Variants in DLGAP2 observed in about 807,000 individuals in gnomAD.
The protein encoded by DLGAP2 is DLG associated protein 2.
A neutral mutation model predicts 100.3 loss-of-function variants in DLGAP2; 26 were observed. That is an observed-to-expected ratio of 0.26 (90% CI 0.19 to 0.36). The LOEUF (loss-of-function observed/expected upper bound fraction) is 0.36, where lower values mean the gene tolerates loss of function less well. DLGAP2 is among the 10% of genes least tolerant of loss of function. The pLI, the probability that DLGAP2 is intolerant of heterozygous loss-of-function variation, is 1.00. For synonymous variants in DLGAP2, 886 were observed against 630.1 expected (o/e 1.41, Z -6.08); for missense variants, 1,858 against 1,453.2 (o/e 1.28, Z -4.53).
intron 3 of DLGAP2, among the ~76,000 whole-genome samples, chr8:1,323,797 T>C (rs758234039): frequency 3.3e-4 from 50 of 152,152 alleles, no homozygotes; most frequent in Non-Finnish European, 6.2e-4. Context: ...GAAGAAAGAG[T>C]TTCACATCGT....
chr8:1,018,025 G>A (rs756736326), intron 2 of DLGAP2, among the ~76,000 whole-genome samples: 5 of 151,980 alleles, frequency 3.3e-5, no homozygotes, highest in African/African-American at 9.7e-5. Flanking sequence ...TGTGGAAAGC[G>A]CTCACTGACC....
intron 1 of DLGAP2, among the ~76,000 whole-genome samples, chr8:869,078 C>T (rs1797550968): frequency 1.3e-5 from 2 of 152,214 alleles, no homozygotes; most frequent in African/African-American, 4.8e-5. Context: ...GGGCCGGCTG[C>T]CCTGGGCCCT....
intron 6 of DLGAP2, among the ~76,000 whole-genome samples, chr8:1,572,185 A>T (rs1310697544): frequency 4.5e-4 from 52 of 114,702 alleles, no homozygotes; most frequent in Non-Finnish European, 7.3e-4. Flanking sequence ...GTCTGATGAG[A>T]TGGAGAGGAG....
At chr8:1,572,528 G>C (rs553222120) in intron 6 of DLGAP2, among the ~76,000 whole-genome samples, 18 of 133,398 alleles carry the variant, frequency 1.3e-4, no homozygotes, top group Non-Finnish European at 1.9e-4. Flanking sequence ...AGGAGAGAGG[G>C]TGAACTGTGG....
intron 3 of DLGAP2, among the ~76,000 whole-genome samples, chr8:1,364,237 G>A (rs1802054596): frequency 6.6e-6 from 1 of 152,210 alleles, no homozygotes; most frequent in Non-Finnish European, 1.5e-5. Flanking sequence ...CCAGCTGTGG[G>A]TTTTGCCTCA....
intron 3 of DLGAP2, among the ~76,000 whole-genome samples, chr8:1,470,301 A>G (rs11988580): frequency 0.44 from 66,629 of 151,972 alleles, 14,932 homozygotes; most frequent in Middle Eastern, 0.47. Flanking sequence ...AGCACTTCTC[A>G]GCCCCCAATG....
intron 3 of DLGAP2, among the ~76,000 whole-genome samples, chr8:1,429,569 T>A (rs540165716): frequency 6.0e-4 from 92 of 152,182 alleles, no homozygotes; most frequent in African/African-American, 2.1e-3. Flanking sequence ...GAAACATTCT[T>A]ACAATAACAA....
intron 3 of DLGAP2, among the ~76,000 whole-genome samples, chr8:1,428,290 T>A (rs1797294128): frequency 6.6e-6 from 1 of 151,926 alleles, no homozygotes; most frequent in Non-Finnish European, 1.5e-5. Flanking sequence ...GATGTAAAAT[T>A]TAAAAAGCTA....
chr8:1,231,543 TTGCAGCACTACTCACGA>T (rs1387518428), intron 2 of DLGAP2, among the ~76,000 whole-genome samples: 3 of 152,196 alleles, frequency 2.0e-5, no homozygotes, highest in African/African-American at 7.2e-5. Flanking sequence ...CACCTATTCA[TTGCAGCACTACTCACGA>T]TAGCAAAGAG....
chr8:845,099 T>C lies in DLGAP2; in HGVS notation c.19-62813T>C, dbSNP rs139522774. On this transcript the variant is annotated intron_variant, in intron 1 of 14. Coordinates refer to ENST00000637795, the MANE Select transcript of DLGAP2 (RefSeq NM_001346810.2). Reference sequence around the variant, plus strand: ...AAAGCTTTTGGGTTGTGTACACTGATTGTTGTGAATAATTCTGCTGTGCAT... The same window carrying C: ...AAAGCTTTTGGGTTGTGTACACTGACTGTTGTGAATAATTCTGCTGTGCAT... Among the ~76,000 whole-genome samples the C allele has an allele frequency of 1.3e-3, 204 of 152,386 alleles. 1 individual carries two copies. The highest frequency in any genetic ancestry group is 4.7e-3 in the African/African-American group (196 of 41,600).
At chr8:1,171,367 G>T (rs1055503439) in intron 2 of DLGAP2, among the ~76,000 whole-genome samples, 8 of 152,146 alleles carry the variant, frequency 5.3e-5, no homozygotes, top group Admixed American at 1.3e-4. Context: ...CTGTTGATTT[G>T]GGGTGGAGAG....
intron 2 of DLGAP2, among the ~76,000 whole-genome samples, chr8:1,044,059 C>T (rs1342086892): frequency 2.6e-5 from 4 of 152,098 alleles, no homozygotes; most frequent in East Asian, 3.9e-4. Context: ...TGCCACGCCA[C>T]GCTGTGTTTT....
At chr8:963,908 C>T (rs1028660002) in intron 2 of DLGAP2, among the ~76,000 whole-genome samples, 12 of 152,184 alleles carry the variant, frequency 7.9e-5, no homozygotes, top group African/African-American at 2.9e-4. Flanking sequence ...AGGTGGCTTG[C>T]AGCATTGCCT....
intron 6 of DLGAP2, among the ~76,000 whole-genome samples, chr8:1,599,972 G>A (rs1032428065): frequency 1.3e-5 from 2 of 152,096 alleles, no homozygotes; most frequent in African/African-American, 4.8e-5. Context: ...AGTGTCGATG[G>A]TCTTTACAAT....
intron 1 of DLGAP2, among the ~76,000 whole-genome samples, chr8:894,377 C>G (rs1198518308): frequency 6.6e-6 from 1 of 152,120 alleles, no homozygotes; most frequent in East Asian, 1.9e-4. Flanking sequence ...CTGAATCTAC[C>G]TGCGTGCCCA....
chr8:1,275,886 T>TATATAAATAA (rs1166575820), intron 3 of DLGAP2, among the ~76,000 whole-genome samples: 74 of 122,694 alleles, frequency 6.0e-4, no homozygotes, highest in African/African-American at 2.4e-3. Flanking sequence ...TATAAATAAA[T>TATATAAATAA]ATATAATATA....
chr8:1,558,373 T>G (rs1802038169), intron 5 of DLGAP2, among the ~76,000 whole-genome samples: 1 of 151,796 alleles, frequency 6.6e-6, no homozygotes, highest in Non-Finnish European at 1.5e-5. Context: ...CAGAAGAGAG[T>G]GAGGCCACAC....
intron 3 of DLGAP2, among the ~76,000 whole-genome samples, chr8:1,381,595 C>T (rs958251762): frequency 1.3e-5 from 2 of 152,128 alleles, no homozygotes; most frequent in African/African-American, 4.8e-5. Context: ...TTCCCTGGGC[C>T]CTGGCGCCCA....
chr8:776,525 C>A (rs13259186), intron 1 of DLGAP2, among the ~76,000 whole-genome samples: 1 of 152,128 alleles, frequency 6.6e-6, no homozygotes, highest in African/African-American at 2.4e-5. Flanking sequence ...GCTTTGAATG[C>A]GTCCCAGAGA....
Sources: gnomAD v4.1 joint callset for allele counts (sites outside exome capture counted in the v4.1 genomes callset) on GRCh38, gnomAD v4.1.1 for gene constraint, MANE v1.5 for transcripts, NCBI Gene and HGNC (gene_info 2026-07-23, HGNC 2026-07-21) for gene names.